The following NXPH1 variants were observed in gnomAD, a reference collection of about 807,000 sequenced individuals.
NXPH1 encodes the protein neurexophilin-1.
A neutral mutation model predicts 23.7 loss-of-function variants in NXPH1; 5 were observed. The observed-to-expected ratio is 0.21, with a 90% CI of 0.11 to 0.44. NXPH1 has a LOEUF of 0.44. NXPH1 is among the 20% of genes least tolerant of loss of function. NXPH1 has a pLI of 0.99. For missense variants in NXPH1, 324 were observed against 321.6 expected, an observed-to-expected ratio of 1.01 and a Z score of -0.06; for synonymous variants, 144 against 122.2, an observed-to-expected ratio of 1.18 and a Z score of -1.18.
intron 2 of NXPH1, among the ~76,000 whole-genome samples, chr7:8,521,377 C>T (rs557655156): frequency 1.3e-5 from 2 of 152,286 alleles, no homozygotes; most frequent in Admixed American, 1.3e-4. Context: ...TAGTTCCCAG[C>T]CCCCTTGCTG....
chr7:8,661,877 T>G (rs1480582480), intron 2 of NXPH1, among the ~76,000 whole-genome samples: 1 of 152,014 alleles, frequency 6.6e-6, no homozygotes, highest in African/African-American at 2.4e-5. Flanking sequence ...ATACATAAAA[T>G]TATACTATGA....
chr7:8,657,937 A>G (rs1186634801), intron 2 of NXPH1, among the ~76,000 whole-genome samples: 1 of 152,226 alleles, frequency 6.6e-6, no homozygotes, highest in Non-Finnish European at 1.5e-5. Context: ...CTGAAGTAGC[A>G]TAATTGCTTG....
chr7:8,731,036 T>G (rs6973011), intron 2 of NXPH1, among the ~76,000 whole-genome samples: 19,612 of 121,538 alleles, frequency 0.16, 2,196 homozygotes, highest in African/African-American at 0.25. Flanking sequence ...GGCTTTGCTC[T>G]TTTCTTTTTA....
intron 2 of NXPH1, among the ~76,000 whole-genome samples, chr7:8,500,698 A>G (rs545903250): frequency 1.3e-5 from 2 of 152,232 alleles, no homozygotes; most frequent in East Asian, 3.9e-4. Flanking sequence ...TTATGGCAAT[A>G]ACACTGTCTG....
chr7:8,730,275 G>A (rs1446610008), intron 2 of NXPH1, among the ~76,000 whole-genome samples: 5 of 149,582 alleles, frequency 3.3e-5, no homozygotes, highest in African/African-American at 7.4e-5. Flanking sequence ...GCACACTGAT[G>A]GGTCTTGACT....
rs550396645 is a variant in NXPH1 at position 8,453,642 on chromosome 7, A to G, written c.54+17875A>G. On this transcript the variant is annotated intron_variant, in intron 2 of 2. Coordinates refer to ENST00000405863, the MANE Select transcript of NXPH1 (RefSeq NM_152745.3). Reference sequence around the variant, plus strand: ...GATATTGGTACTACTGCATCTCAGAAGTGAGTAATTCCTCTAACATGCTTT... The same window carrying G: ...GATATTGGTACTACTGCATCTCAGAGGTGAGTAATTCCTCTAACATGCTTT... 2.6e-5 allele frequency among the ~76,000 whole-genome samples: 4 copies of G among 152,282 alleles called. No homozygotes were observed. In the South Asian group the frequency reaches 8.3e-4, roughly 32 times the overall value.
At chr7:8,675,351 G>T (rs576115161) in intron 2 of NXPH1, among the ~76,000 whole-genome samples, 1 of 150,456 alleles carries the variant, frequency 6.6e-6, no homozygotes, top group Non-Finnish European at 1.5e-5. Context: ...TAATTTTTAG[G>T]CATAAGCCAA....
chr7:8,532,480 AG>A (rs1817963310), intron 2 of NXPH1, among the ~76,000 whole-genome samples: 5 of 45,564 alleles, frequency 1.1e-4, no homozygotes, highest in Admixed American at 2.4e-4. Flanking sequence ...GGGGGGGGGG[AG>A]GGGGCTGCTT....
At chr7:8,687,924 CT>C (rs1821171712) in intron 2 of NXPH1, among the ~76,000 whole-genome samples, 1 of 152,028 alleles carries the variant, frequency 6.6e-6, no homozygotes, top group African/African-American at 2.4e-5. Context: ...GGCTCTGTTG[CT>C]TTTTTTCCAC....
rs185399035 is a variant in NXPH1 at position 8,471,647 on chromosome 7, C to T, written c.54+35880C>T. Among the ~76,000 whole-genome samples, 497 of 152,240 alleles carry T rather than the reference C, an allele frequency of 3.3e-3. 2 individuals are homozygous for T. The highest frequency in any genetic ancestry group is 0.011 in the African/African-American group (472 of 41,540). On this transcript the variant is annotated intron_variant, in intron 2 of 2. Coordinates refer to ENST00000405863, the MANE Select transcript of NXPH1 (RefSeq NM_152745.3). ...GGCCTTCAACTAACTAGAGAAATCA[C>T]TTTTTACCTTTTTATTCTTGAACTA...
At chr7:8,643,770 C>A (rs1820353979) in intron 2 of NXPH1, among the ~76,000 whole-genome samples, 1 of 151,740 alleles carries the variant, frequency 6.6e-6, no homozygotes, top group African/African-American at 2.4e-5. Context: ...ATTAGAGTAC[C>A]CTTCTATGAT....
At chr7:8,724,681 C>A (rs1158158568) in intron 2 of NXPH1, among the ~76,000 whole-genome samples, 1 of 152,146 alleles carries the variant, frequency 6.6e-6, no homozygotes, top group Non-Finnish European at 1.5e-5. Context: ...TTTAATGGAA[C>A]TGTTTACTTA....
intron 2 of NXPH1, among the ~76,000 whole-genome samples, chr7:8,443,492 C>T (rs1215662122): frequency 6.6e-6 from 1 of 152,244 alleles, no homozygotes; most frequent in Non-Finnish European, 1.5e-5. Context: ...CGATTCCTGC[C>T]CCTCTTCCCC....
At chr7:8,481,067 C>A (rs1817064990) in intron 2 of NXPH1, among the ~76,000 whole-genome samples, 1 of 152,158 alleles carries the variant, frequency 6.6e-6, no homozygotes, top group South Asian at 2.1e-4. Context: ...TGTTCAATGT[C>A]TGATGAACCA....
chr7:8,456,729 A>T (rs1816602086), intron 2 of NXPH1, among the ~76,000 whole-genome samples: 1 of 152,230 alleles, frequency 6.6e-6, no homozygotes, highest in Non-Finnish European at 1.5e-5. Context: ...ATAAAGCTAT[A>T]TTCAAATAAC....
chr7:8,676,206 C>T (rs527835795), intron 2 of NXPH1, among the ~76,000 whole-genome samples: 2 of 152,234 alleles, frequency 1.3e-5, no homozygotes, highest in South Asian at 2.1e-4. Flanking sequence ...ATTATAACTC[C>T]CTACGTCTAA....
chr7:8,456,959 T>C (rs779219907), intron 2 of NXPH1, among the ~76,000 whole-genome samples: 1 of 152,126 alleles, frequency 6.6e-6, no homozygotes, highest in Non-Finnish European at 1.5e-5. Flanking sequence ...CTTCTTAGAT[T>C]GTCAAAATGG....
At chr7:8,559,496 C>T (rs1161820541) in intron 2 of NXPH1, among the ~76,000 whole-genome samples, 1 of 151,564 alleles carries the variant, frequency 6.6e-6, no homozygotes, top group Non-Finnish European at 1.5e-5. Context: ...TCTTTTGGTT[C>T]CTATTTTCTC....
At chr7:8,646,618 T>A (rs1237124800) in intron 2 of NXPH1, among the ~76,000 whole-genome samples, 1 of 152,086 alleles carries the variant, frequency 6.6e-6, no homozygotes, top group Non-Finnish European at 1.5e-5. Flanking sequence ...CTTCTATTCC[T>A]AGTTTCTGAG....
Sources: allele counts gnomAD v4.1 joint callset (sites outside exome capture counted in the v4.1 genomes callset), GRCh38; gene constraint gnomAD v4.1.1; transcripts MANE v1.5; gene names NCBI Gene and HGNC (gene_info 2026-07-23, HGNC 2026-07-21).